Variants in PDGFRL observed in about 807,000 individuals in gnomAD.
The protein encoded by PDGFRL is platelet-derived growth factor receptor-like protein.
In PDGFRL, 46 loss-of-function variants were observed where a neutral mutation model predicts 37.2. That is an observed-to-expected ratio of 1.24 (90% CI 0.98 to 1.58). PDGFRL has a LOEUF of 1.58. Among genes scored for constraint, PDGFRL ranks in the 40% most tolerant of loss-of-function variants. The probability of loss-of-function intolerance (pLI) is 0.00; values close to 1 mark genes in which losing one functional copy is unlikely to be tolerated. For missense variants in PDGFRL, 692 were observed against 467.6 expected (o/e 1.48, Z -4.43); for synonymous variants, 251 against 184.3 (o/e 1.36, Z -2.93).
chr8:17,596,217 G>T, intron 2 of PDGFRL: 1 of 511,460 alleles, frequency 2.0e-6, no homozygotes, highest in Non-Finnish European at 3.0e-6. Flanking sequence ...ACTGAGCCCC[G>T]TGTGACTCTG....
In PDGFRL at chr8:17,641,392, C is replaced by T. The variant is rs1805089654; in HGVS notation, c.940-1221C>T. Among the ~76,000 whole-genome samples, 7 of 152,294 alleles carry T rather than the reference C, an allele frequency of 4.6e-5. No individual in the cohort carries two copies. The South Asian group carries it at 1.4e-3, about 32-fold the overall frequency. On this transcript the variant is annotated intron_variant, in intron 5 of 5. Transcript: ENST00000251630. The stretch of plus-strand genomic sequence containing the variant: ...TCTTTTCCCAGTTTCTCTGGTAGCC[C>T]TCTCCAGGGATCTCTGTGAGACAAA...
At chr8:17,576,641 A>T (rs1270101572), upstream of PDGFRL, 9 of 878,786 alleles carry the variant, frequency 1.0e-5, no homozygotes, top group Non-Finnish European at 1.2e-5. Flanking sequence ...CTCATTTTCC[A>T]CGTTATTCCT....
At chr8:17,596,047 G>A (rs2517159) in intron 2 of PDGFRL, among the ~76,000 whole-genome samples, 98,997 of 152,020 alleles carry the variant, frequency 0.65, 35,000 homozygotes, top group Middle Eastern at 0.85. Context: ...CACAGACTCC[G>A]CCCTGTGGTA....
At chr8:17,591,865 G>A (rs1294482748) in intron 2 of PDGFRL, among the ~76,000 whole-genome samples, 3 of 152,152 alleles carry the variant, frequency 2.0e-5, no homozygotes, top group Non-Finnish European at 4.4e-5. Flanking sequence ...GCAGTGAGCC[G>A]AGATCAGGCC....
intron 1 of PDGFRL, among the ~76,000 whole-genome samples, chr8:17,583,884 C>T (rs1483849872): frequency 6.6e-6 from 1 of 152,194 alleles, no homozygotes; most frequent in Non-Finnish European, 1.5e-5. Flanking sequence ...CTGAGGCCCT[C>T]ACCAGATGCC....
At chr8:17,585,185 C>G (rs995546712) in intron 1 of PDGFRL, among the ~76,000 whole-genome samples, 7 of 152,116 alleles carry the variant, frequency 4.6e-5, no homozygotes, top group Non-Finnish European at 1.0e-4. Context: ...TCGTGGCCAT[C>G]TTGGTTTTGG....
chr8:17,592,916 GCACACA>G (rs140137425), intron 2 of PDGFRL, among the ~76,000 whole-genome samples: 2,281 of 29,542 alleles, frequency 0.077, 53 homozygotes, highest in African/African-American at 0.085. Flanking sequence ...CCACATACAT[GCACACA>G]CACACACACA....
chr8:17,628,498 C>A lies in PDGFRL; in HGVS notation c.517C>A (p.Leu173Ile). The A allele has an allele frequency of 6.2e-7, 1 of 1,613,140 alleles. No individual in the cohort carries two copies. Among genetic ancestry groups the A allele is most frequent in the Non-Finnish European group, 8.5e-7 (1 of 1,179,118 alleles). ...CCTTCCCTTTGCAGAGAAAGGAGAA[C>A]TCTTTGTACCTTCTCCCAGCTACTT... is the stretch of plus-strand genomic sequence containing the variant. ...TYIFFTEKGE[L>I]FVPSPSYFDV... Residue 173 changes from leucine (L) to isoleucine (I), a missense_variant, in exon 4 of 6, where the codon CTC (leucine) becomes ATC (isoleucine). Coordinates refer to ENST00000251630, the MANE Select transcript of PDGFRL (RefSeq NM_001372073.1).
chr8:17,642,651 G>A lies in PDGFRL; in HGVS notation c.978G>A (p.Leu326=), dbSNP rs751094772. The A allele has an allele frequency of 7.4e-6, 12 of 1,610,932 alleles. No individual in the cohort carries two copies. Among genetic ancestry groups the A allele is most frequent in the Non-Finnish European group, 1.0e-5 (12 of 1,177,194 alleles). Residue 326 remains leucine (L), a synonymous_variant, in exon 6 of 6, where the codon TTG becomes TTA. Coordinates refer to ENST00000251630, the MANE Select transcript of PDGFRL (RefSeq NM_001372073.1). Reference sequence around the variant, plus strand: ...TGACGATCCAAGACACTTGGAGGTTGATCCACAGAGGACTGGGACACACCA... The same window carrying A: ...TGACGATCCAAGACACTTGGAGGTTAATCCACAGAGGACTGGGACACACCA... ...RPVTIQDTWR[L]IHRGLGHTTR...
At chr8:17,639,981 CTTTTT>C (rs879586855) in intron 5 of PDGFRL, among the ~76,000 whole-genome samples, 3 of 152,032 alleles carry the variant, frequency 2.0e-5, no homozygotes, top group Non-Finnish European at 2.9e-5. Flanking sequence ...CTTTTAAATT[CTTTTT>C]TGTTTGTCTT....
intron 2 of PDGFRL, among the ~76,000 whole-genome samples, chr8:17,610,652 T>G (rs1256651245): frequency 6.6e-6 from 1 of 152,200 alleles, no homozygotes; most frequent in East Asian, 1.9e-4. Context: ...GGCTCACACC[T>G]GTAATCCGAG....
At chr8:17,627,994 T>C (rs1403746036) in intron 3 of PDGFRL, among the ~76,000 whole-genome samples, 10 of 130,678 alleles carry the variant, frequency 7.7e-5, no homozygotes, top group South Asian at 5.4e-4. Flanking sequence ...TCTTTCTTTT[T>C]TTTTTTTTTT....
chr8:17,638,026 A>G (rs1805007620), intron 5 of PDGFRL, among the ~76,000 whole-genome samples: 1 of 151,472 alleles, frequency 6.6e-6, no homozygotes. Context: ...TATCTTTTGT[A>G]TTTTTTTGGT....
chr8:17,580,725 C>T (rs1032622111), intron 1 of PDGFRL, among the ~76,000 whole-genome samples: 4 of 152,252 alleles, frequency 2.6e-5, no homozygotes, highest in South Asian at 2.1e-4. Context: ...GCTTTAAAAC[C>T]GCAGAAGTTT....
upstream of PDGFRL, among the ~76,000 whole-genome samples, chr8:17,576,983 T>C (rs934749294): frequency 1.3e-5 from 2 of 150,782 alleles, no homozygotes; most frequent in African/African-American, 2.4e-5. Context: ...GCTGTTGTAA[T>C]GTACATTTCA....
intron 1 of PDGFRL, 116 bp downstream of exon 1, chr8:17,577,423 GC>G: frequency 1.2e-6 from 1 of 850,816 alleles, no homozygotes; most frequent in Non-Finnish European, 1.9e-6. Context: ...CGGTGGCTCA[GC>G]CCCCGCGCCA....
intron 1 of PDGFRL, 66 bp downstream of exon 1, chr8:17,577,373 C>T: frequency 7.5e-7 from 1 of 1,340,632 alleles, no homozygotes; most frequent in Non-Finnish European, 1.1e-6. Flanking sequence ...CCGAAGCCCC[C>T]GCCGCCCTCC....
chr8:17,607,129 C>T (rs1486793722), intron 2 of PDGFRL, among the ~76,000 whole-genome samples: 1 of 152,034 alleles, frequency 6.6e-6, no homozygotes, highest in Non-Finnish European at 1.5e-5. Flanking sequence ...CTCCTGACCT[C>T]AAGTGATCCA....
At chr8:17,606,028 CA>C (rs1804268950) in intron 2 of PDGFRL, among the ~76,000 whole-genome samples, 1 of 152,150 alleles carries the variant, frequency 6.6e-6, no homozygotes, top group South Asian at 2.1e-4. Flanking sequence ...TCATGTCATC[CA>C]GCATCTGGAG....
Sources: gnomAD v4.1 joint callset for allele counts (sites outside exome capture counted in the v4.1 genomes callset) on GRCh38, gnomAD v4.1.1 for gene constraint, MANE v1.5 for transcripts, NCBI Gene and HGNC (gene_info 2026-07-23, HGNC 2026-07-21) for gene names.